TEX36: variants seen among roughly 807,000 people sequenced by gnomAD.
The protein encoded by TEX36 is testis-expressed protein 36.
TEX36 carries 12 observed loss-of-function variants against 13.6 expected under a neutral mutation model. The ratio of observed to expected loss-of-function variants is 0.88; its 90% CI spans 0.56 to 1.43. The LOEUF is 1.43. TEX36 is among the 40% of genes most tolerant of loss of function. TEX36 has a pLI of 0.00. For missense variants in TEX36, 224 were observed against 228.3 expected (o/e 0.98, Z 0.12); for synonymous variants, 93 against 83.0 (o/e 1.12, Z -0.65).
chr10:125,670,130 C>T (rs1394819426), intron 1 of TEX36, among the ~76,000 whole-genome samples: 1 of 152,172 alleles, frequency 6.6e-6, no homozygotes. Context: ...ATTGCTGGAT[C>T]AAATGGTATT....
intron 3 of TEX36, among the ~76,000 whole-genome samples, chr10:125,585,081 T>G (rs1239623411): frequency 6.6e-6 from 1 of 152,118 alleles, no homozygotes; most frequent in Non-Finnish European, 1.5e-5. Context: ...GAAGAGACCT[T>G]GAGAAGAATG....
chr10:125,663,690 A>C (rs1847080635), intron 1 of TEX36, among the ~76,000 whole-genome samples: 1 of 152,066 alleles, frequency 6.6e-6, no homozygotes, highest in South Asian at 2.1e-4. Context: ...TCCCATTTAT[A>C]TGTCTCCTTT....
chr10:125,668,171 T>C (rs1847157629), intron 1 of TEX36, among the ~76,000 whole-genome samples: 1 of 152,188 alleles, frequency 6.6e-6, no homozygotes, highest in Non-Finnish European at 1.5e-5. Flanking sequence ...GTGATGCTGG[T>C]TGGCCTCATA....
chr10:125,662,244 G>C (rs61873504), intron 1 of TEX36, among the ~76,000 whole-genome samples: 216 of 152,332 alleles, frequency 1.4e-3, no homozygotes, highest in Non-Finnish European at 1.9e-3. Flanking sequence ...GCCTGGTAAG[G>C]AGGGTGTGGT....
intron 1 of TEX36, among the ~76,000 whole-genome samples, chr10:125,670,291 C>T (rs1847202613): frequency 6.6e-6 from 1 of 152,228 alleles, no homozygotes. Context: ...GCCATTCTGA[C>T]TGGCATCAGA....
chr10:125,596,222 C>A (rs141334243), intron 3 of TEX36, among the ~76,000 whole-genome samples: 1,556 of 152,220 alleles, frequency 0.01, 13 homozygotes, highest in Admixed American at 0.023. Context: ...GTGATTGTTA[C>A]ATATGTTGAC....
intron 3 of TEX36, among the ~76,000 whole-genome samples, chr10:125,585,694 C>T (rs1407276836): frequency 6.6e-6 from 1 of 152,206 alleles, no homozygotes; most frequent in African/African-American, 2.4e-5. Context: ...CCCCACAAAA[C>T]TCACCCAGTT....
rs921534580 is a variant in TEX36 at position 125,667,655 on chromosome 10, A to G, written c.52-5678T>C. ...GCTGCCCCCAACACCACCCTTGGACATGACAACTTGGGGGAAAGGACGCCC... is the reference window on the plus strand; with the variant it reads ...GCTGCCCCCAACACCACCCTTGGACGTGACAACTTGGGGGAAAGGACGCCC... On this transcript the variant is annotated intron_variant, in intron 1 of 3. Transcript: ENST00000368821. 1.0e-4 allele frequency: 75 copies of G among 718,704 alleles called. No individual in the cohort carries two copies. The African/African-American group carries it at 1.2e-3, about 11-fold the overall frequency. 44.5% of individuals were successfully genotyped at this position (718,704 alleles called of 1,614,324 possible).
intron 3 of TEX36, among the ~76,000 whole-genome samples, chr10:125,634,149 A>T (rs937480666): frequency 6.6e-6 from 1 of 152,194 alleles, no homozygotes; most frequent in African/African-American, 2.4e-5. Context: ...GATGTTTGTT[A>T]CATACATGAT....
chr10:125,590,024 C>T (rs983991892), intron 3 of TEX36, among the ~76,000 whole-genome samples: 1 of 152,222 alleles, frequency 6.6e-6, no homozygotes, highest in Non-Finnish European at 1.5e-5. Context: ...AATCATGTGT[C>T]TGCAAGGTGT....
At chr10:125,659,633 C>CACTTCT (rs1847000640) in intron 3 of TEX36, among the ~76,000 whole-genome samples, 1 of 152,148 alleles carries the variant, frequency 6.6e-6, no homozygotes, top group Non-Finnish European at 1.5e-5. Flanking sequence ...GGGGTTAAGG[C>CACTTCT]ACTTCTATTT....
At chr10:125,615,266 C>T (rs1160542724) in intron 3 of TEX36, among the ~76,000 whole-genome samples, 2 of 151,724 alleles carry the variant, frequency 1.3e-5, no homozygotes, top group East Asian at 3.9e-4. Flanking sequence ...TAATTGAATA[C>T]CCTTTATTTC....
At chr10:125,666,008 T>A (rs988491577) in intron 1 of TEX36, among the ~76,000 whole-genome samples, 24 of 152,362 alleles carry the variant, frequency 1.6e-4, no homozygotes, top group African/African-American at 5.8e-4. Context: ...ATTGCTGATA[T>A]ATATAAAAGC....
At chr10:125,606,783 T>C (rs1375281237) in intron 3 of TEX36, among the ~76,000 whole-genome samples, 1 of 152,258 alleles carries the variant, frequency 6.6e-6, no homozygotes, top group Non-Finnish European at 1.5e-5. Context: ...ATTTATTTCA[T>C]TGGTAGCTAG....
chr10:125,610,966 T>TA (rs34604611), intron 3 of TEX36, among the ~76,000 whole-genome samples: 32 of 152,338 alleles, frequency 2.1e-4, no homozygotes, highest in Middle Eastern at 3.4e-3. Flanking sequence ...GGTGCTATCT[T>TA]ACGTTTCCGT....
At chr10:125,665,052 T>G (rs1466708557) in intron 1 of TEX36, among the ~76,000 whole-genome samples, 1 of 152,202 alleles carries the variant, frequency 6.6e-6, no homozygotes, top group East Asian at 1.9e-4. Flanking sequence ...TTGCTCACTT[T>G]TTAATGGAAT....
chr10:125,582,317 A>C (rs1845893270), intron 3 of TEX36, among the ~76,000 whole-genome samples: 1 of 152,180 alleles, frequency 6.6e-6, no homozygotes, highest in African/African-American at 2.4e-5. Context: ...TCTTAACCTC[A>C]AATTCTAGAC....
chr10:125,586,778 G>A (rs566677988), intron 3 of TEX36, among the ~76,000 whole-genome samples: 1 of 151,552 alleles, frequency 6.6e-6, no homozygotes, highest in South Asian at 2.1e-4. Flanking sequence ...GCTCCAAAAT[G>A]AGACCCTGTC....
intron 3 of TEX36, among the ~76,000 whole-genome samples, chr10:125,603,607 C>T (rs1035516305): frequency 1.3e-5 from 2 of 152,226 alleles, no homozygotes; most frequent in Non-Finnish European, 2.9e-5. Flanking sequence ...TGGGGGCAGG[C>T]TAAGCTGTTG....
Sources: gnomAD v4.1 joint callset for allele counts (sites outside exome capture counted in the v4.1 genomes callset) on GRCh38, gnomAD v4.1.1 for gene constraint, MANE v1.5 for transcripts, NCBI Gene and HGNC (gene_info 2026-07-23, HGNC 2026-07-21) for gene names.